The following RSBN1L variants were observed in gnomAD, a reference collection of about 807,000 sequenced individuals.
RSBN1L encodes round spermatid basic protein 1 like.
RSBN1L carries 30 observed loss-of-function variants against 67.7 expected under a neutral mutation model. The ratio of observed to expected loss-of-function variants is 0.44; its 90% CI spans 0.33 to 0.60. RSBN1L has a LOEUF of 0.60. RSBN1L is among the 20% of genes least tolerant of loss of function. The probability of loss-of-function intolerance (pLI) is 0.02; values close to 1 mark genes in which losing one functional copy is unlikely to be tolerated. For missense variants in RSBN1L, 992 were observed against 1,031.7 expected, an observed-to-expected ratio of 0.96 and a Z score of 0.53; for synonymous variants, 433 against 387.0, an observed-to-expected ratio of 1.12 and a Z score of -1.39.
At chr7:77,743,746 A>G (rs1356976675) in intron 2 of RSBN1L, among the ~76,000 whole-genome samples, 1 of 152,152 alleles carries the variant, frequency 6.6e-6, no homozygotes, top group Non-Finnish European at 1.5e-5. Flanking sequence ...ATATATTTTC[A>G]GTTGTATTTA....
At chr7:77,712,041 A>G (rs1790981284) in intron 1 of RSBN1L, among the ~76,000 whole-genome samples, 1 of 128,400 alleles carries the variant, frequency 7.8e-6, no homozygotes, top group Admixed American at 7.7e-5. Context: ...AGCTCGTTTG[A>G]CATTTTATAA....
At position 77,696,883 on chromosome 7, in the gene RSBN1L, G is replaced by C. The variant is rs771498128; in HGVS notation, c.414G>C (p.Gln138His). The change falls in exon 1 of 8, where the codon CAG (glutamine) becomes CAC (histidine). Residue 138 changes from glutamine (Q) to histidine (H), a missense_variant. Around this residue, in one of 7 missense-constraint regions of RSBN1L, gnomAD observed 575 missense variants for 483.2 expected, o/e 1.19. Coordinates refer to ENST00000334955, the MANE Select transcript of RSBN1L (RefSeq NM_198467.3). ...LLVPPTLLHA[Q>H]PHHLLLPAAA... ...TCCCTCCTACGCTGCTGCACGCTCA[G>C]CCTCACCATCTCCTCCTGCCCGCCG... 1 of 1,609,392 alleles carries C rather than the reference G, an allele frequency of 6.2e-7. No homozygotes were observed. Among genetic ancestry groups the C allele is most frequent in the Non-Finnish European group, 8.5e-7 (1 of 1,179,816 alleles).
At chr7:77,710,890 C>T (rs2150413361) in intron 1 of RSBN1L, among the ~76,000 whole-genome samples, 1 of 152,140 alleles carries the variant, frequency 6.6e-6, no homozygotes. Flanking sequence ...CCGTGCCCAG[C>T]CTTCTTTCCT....
intron 3 of RSBN1L, chr7:77,759,836 G>A (rs1791676344): frequency 6.6e-6 from 1 of 152,270 alleles, no homozygotes; most frequent in East Asian, 1.9e-4. Flanking sequence ...TGTAATGCTG[G>A]ACCAAATAAG....
chr7:77,732,943 C>G (rs1156246490), intron 1 of RSBN1L, among the ~76,000 whole-genome samples: 1 of 152,076 alleles, frequency 6.6e-6, no homozygotes, highest in Non-Finnish European at 1.5e-5. Context: ...AGGTATCCCA[C>G]TTTATCATAG....
At chr7:77,699,513 T>TA (rs1467942657) in intron 1 of RSBN1L, among the ~76,000 whole-genome samples, 1 of 152,326 alleles carries the variant, frequency 6.6e-6, no homozygotes, top group African/African-American at 2.4e-5. Flanking sequence ...TAGTAAATGT[T>TA]ATTTGAGTCT....
chr7:77,755,203 G>A (rs1035357173), intron 3 of RSBN1L, among the ~76,000 whole-genome samples: 4 of 152,180 alleles, frequency 2.6e-5, no homozygotes, highest in Non-Finnish European at 4.4e-5. Context: ...AAAACAAATT[G>A]TGGATAATAA....
chr7:77,763,711 G>T (rs1791725542), intron 3 of RSBN1L, among the ~76,000 whole-genome samples: 1 of 152,114 alleles, frequency 6.6e-6, no homozygotes, highest in African/African-American at 2.4e-5. Context: ...TTGTTTTTTT[G>T]AGACAGGATC....
chr7:77,771,196 A>G (rs1791844492), intron 5 of RSBN1L, among the ~76,000 whole-genome samples: 1 of 152,112 alleles, frequency 6.6e-6, no homozygotes, highest in South Asian at 2.1e-4. Context: ...TGCCTCGGCC[A>G]CCCAAAGTGC....
chr7:77,770,239 G>A (rs1409196677), intron 5 of RSBN1L, among the ~76,000 whole-genome samples: 1 of 152,162 alleles, frequency 6.6e-6, no homozygotes, highest in African/African-American at 2.4e-5. Context: ...GCCCAGCGTG[G>A]TGGGACATGA....
intron 1 of RSBN1L, among the ~76,000 whole-genome samples, chr7:77,712,461 G>C (rs189132668): frequency 1.2e-3 from 189 of 151,988 alleles, no homozygotes; most frequent in Non-Finnish European, 2.1e-3. Context: ...TTGTATATTT[G>C]TGGAGACGGG....
intron 1 of RSBN1L, among the ~76,000 whole-genome samples, chr7:77,714,987 G>A (rs894250389): frequency 6.6e-6 from 1 of 150,632 alleles, no homozygotes; most frequent in Non-Finnish European, 1.5e-5. Flanking sequence ...AAATCTTGTA[G>A]TGGGCTGGAT....
chr7:77,733,340 T>C (rs1475458078), intron 1 of RSBN1L, among the ~76,000 whole-genome samples: 1 of 152,200 alleles, frequency 6.6e-6, no homozygotes, highest in Admixed American at 6.5e-5. Flanking sequence ...TGAGGATGTT[T>C]TGATATCAGG....
At chr7:77,721,579 A>C (rs879572607) in intron 1 of RSBN1L, among the ~76,000 whole-genome samples, 4 of 152,200 alleles carry the variant, frequency 2.6e-5, no homozygotes, top group African/African-American at 4.8e-5. Flanking sequence ...CAGGATGTGT[A>C]GGATTTGGGC....
At chr7:77,741,982 G>A (rs1791416425) in intron 2 of RSBN1L, among the ~76,000 whole-genome samples, 1 of 151,858 alleles carries the variant, frequency 6.6e-6, no homozygotes, top group African/African-American at 2.4e-5. Context: ...CCTGTGATTT[G>A]CTGAAAGGAT....
intron 4 of RSBN1L, among the ~76,000 whole-genome samples, chr7:77,767,404 C>T (rs957098844): frequency 3.3e-5 from 5 of 151,738 alleles, no homozygotes; most frequent in African/African-American, 9.7e-5. Flanking sequence ...GATGGAGTCT[C>T]GCTGTGTCAT....
At chr7:77,752,447 G>A (rs978418166) in intron 3 of RSBN1L, among the ~76,000 whole-genome samples, 1 of 152,196 alleles carries the variant, frequency 6.6e-6, no homozygotes, top group Non-Finnish European at 1.5e-5. Context: ...GTTGTGTGCA[G>A]ATTGGGGAGG....
chr7:77,737,262 C>G (rs1791350084), intron 2 of RSBN1L, among the ~76,000 whole-genome samples: 1 of 152,136 alleles, frequency 6.6e-6, no homozygotes, highest in African/African-American at 2.4e-5. Flanking sequence ...AGCGAATTCA[C>G]TAGCTAGCAA....
intron 5 of RSBN1L, among the ~76,000 whole-genome samples, chr7:77,771,969 G>T (rs1407614651): frequency 1.3e-5 from 2 of 152,044 alleles, no homozygotes; most frequent in Non-Finnish European, 2.9e-5. Flanking sequence ...TCACTTCAGG[G>T]TATACAACCC....
Sources: allele counts gnomAD v4.1 joint callset (sites outside exome capture counted in the v4.1 genomes callset), GRCh38; gene constraint gnomAD v4.1.1; regional missense constraint gnomAD v4.1.1; transcripts MANE v1.5; gene names NCBI Gene and HGNC (gene_info 2026-07-23, HGNC 2026-07-21).